GRIK2: variants seen among roughly 807,000 people sequenced by gnomAD.
The protein encoded by GRIK2 is glutamate ionotropic receptor kainate type subunit 2, also known as glutamate receptor ionotropic, kainate 2.
Under a neutral mutation model 100.3 loss-of-function variants are expected in GRIK2, and 32 were observed. The observed-to-expected ratio is 0.32, with a 90% CI of 0.24 to 0.43. The LOEUF (loss-of-function observed/expected upper bound fraction) is 0.43. Among genes scored for constraint, GRIK2 ranks in the 20% least tolerant of loss-of-function variants. The pLI is 1.00. For synonymous variants in GRIK2, 417 were observed against 389.4 expected (o/e 1.07, Z -0.83); for missense variants, 843 against 1,114.9 (o/e 0.76, Z 3.47).
chr6:101,480,990 A>G (rs975003590), intron 2 of GRIK2, among the ~76,000 whole-genome samples: 2 of 152,192 alleles, frequency 1.3e-5, no homozygotes, highest in Admixed American at 6.5e-5. Flanking sequence ...ATTGGCAAAC[A>G]TGAAATTAAA....
intron 2 of GRIK2, among the ~76,000 whole-genome samples, chr6:101,447,455 C>T (rs1770442001): frequency 6.6e-6 from 1 of 151,612 alleles, no homozygotes; most frequent in Non-Finnish European, 1.5e-5. Flanking sequence ...ACAGTTCTCT[C>T]AGGAATTTTG....
intron 2 of GRIK2, among the ~76,000 whole-genome samples, chr6:101,458,727 T>G (rs1771137949): frequency 6.6e-6 from 1 of 152,196 alleles, no homozygotes. Flanking sequence ...GGGGGTACAT[T>G]GGCCAATTCC....
chr6:101,435,708 T>C (rs1288831620), intron 2 of GRIK2, among the ~76,000 whole-genome samples: 1 of 152,182 alleles, frequency 6.6e-6, no homozygotes, highest in Non-Finnish European at 1.5e-5. Context: ...GATCATTGTT[T>C]TGTTCTTTTC....
At chr6:101,501,901 A>G (rs1276747090) in intron 2 of GRIK2, among the ~76,000 whole-genome samples, 1 of 151,902 alleles carries the variant, frequency 6.6e-6, no homozygotes, top group East Asian at 1.9e-4. Context: ...GGGACTACAG[A>G]TGTGTGCCAC....
At chr6:101,950,789 AAC>A (rs1424500480) in intron 14 of GRIK2, among the ~76,000 whole-genome samples, 5 of 152,136 alleles carry the variant, frequency 3.3e-5, no homozygotes, top group African/African-American at 1.2e-4. Flanking sequence ...GGAGCCAGGA[AAC>A]ACATTCCACT....
chr6:102,025,255 C>T (rs1769631265), intron 14 of GRIK2, among the ~76,000 whole-genome samples: 1 of 151,082 alleles, frequency 6.6e-6, no homozygotes, highest in South Asian at 2.1e-4. Flanking sequence ...ATACTAGACA[C>T]TGTTCCAGAT....
At position 101,813,830 on chromosome 6, in the gene GRIK2, G is replaced by T. The variant is rs575168080; in HGVS notation, c.1204-4540G>T. On this transcript the variant is annotated intron_variant, in intron 9 of 16. Transcript: ENST00000369134. ...ATATAAAAATTAGCTGGGCATGGTA[G>T]TGGGTGCCTGTAATCCCAGCTACTT... 2.2e-3 allele frequency among the ~76,000 whole-genome samples: 335 copies of T among 152,160 alleles called. 1 individual carries two copies. Among genetic ancestry groups the T allele is most frequent in the Non-Finnish European group, 2.7e-3 (183 of 68,004 alleles).
intron 12 of GRIK2, among the ~76,000 whole-genome samples, chr6:101,894,345 A>G (rs1787299543): frequency 6.6e-6 from 1 of 151,718 alleles, no homozygotes; most frequent in African/African-American, 2.4e-5. Context: ...GTAAGCAGTT[A>G]TATTATTATT....
At chr6:101,480,440 C>G (rs992664410) in intron 2 of GRIK2, among the ~76,000 whole-genome samples, 6 of 151,942 alleles carry the variant, frequency 3.9e-5, no homozygotes, top group Admixed American at 3.9e-4. Context: ...CTATCTTTCT[C>G]TTTTGTCAGG....
intron 1 of GRIK2, among the ~76,000 whole-genome samples, chr6:101,398,304 G>A (rs1159061517): frequency 1.3e-5 from 2 of 151,986 alleles, no homozygotes; most frequent in African/African-American, 4.8e-5. Flanking sequence ...TTAAAAAATG[G>A]GTGGAAAATT....
intron 10 of GRIK2, among the ~76,000 whole-genome samples, chr6:101,829,652 A>G (rs1242589480): frequency 6.6e-6 from 1 of 151,988 alleles, no homozygotes; most frequent in Non-Finnish European, 1.5e-5. Flanking sequence ...CAATAGCCAT[A>G]AAAATATAAA....
At chr6:101,950,929 A>G (rs1791569799) in intron 14 of GRIK2, among the ~76,000 whole-genome samples, 1 of 152,174 alleles carries the variant, frequency 6.6e-6, no homozygotes, top group South Asian at 2.1e-4. Context: ...ACATGGTAGT[A>G]GCATTTGACT....
intron 7 of GRIK2, among the ~76,000 whole-genome samples, chr6:101,787,370 T>C (rs905535688): frequency 2.6e-5 from 4 of 152,124 alleles, no homozygotes; most frequent in African/African-American, 7.2e-5. Context: ...GTTCTTACTT[T>C]TCTAGTTCTT....
intron 2 of GRIK2, among the ~76,000 whole-genome samples, chr6:101,405,798 G>A (rs1210030778): frequency 2.6e-5 from 4 of 152,082 alleles, no homozygotes; most frequent in African/African-American, 9.6e-5. Flanking sequence ...CACTCCACCT[G>A]TTTCTTGCCA....
rs114267317 is a variant in GRIK2 at position 102,035,246 on chromosome 6, A to G, written c.2086-95A>G. The G allele has an allele frequency of 1.7e-3, 904 of 524,690 alleles. 8 individuals are homozygous for G. Among genetic ancestry groups the G allele is most frequent in the African/African-American group, 0.016 (841 of 52,028 alleles). 32.5% of individuals were successfully genotyped at this position (524,690 alleles called of 1,614,324 possible). A position where few individuals can be genotyped will look rare whatever the true frequency, so the allele number is the denominator to read the frequency against. On this transcript the variant is annotated intron_variant, in intron 14 of 16. Coordinates refer to ENST00000369134, the MANE Select transcript of GRIK2 (RefSeq NM_021956.5). ...AAAATTATATTAAGATGGTACAAGT[A>G]AAGTAAATGTAGTTCATTGTGTCTA... is the stretch of plus-strand genomic sequence containing the variant.
chr6:101,776,461 C>T (rs1397666375), intron 7 of GRIK2, among the ~76,000 whole-genome samples: 1 of 152,038 alleles, frequency 6.6e-6, no homozygotes, highest in African/African-American at 2.4e-5. Flanking sequence ...GGTATAAAAT[C>T]AGAGTAAAAT....
At chr6:101,680,494 TC>T (rs887959059) in intron 5 of GRIK2, among the ~76,000 whole-genome samples, 2 of 152,186 alleles carry the variant, frequency 1.3e-5, no homozygotes, top group African/African-American at 4.8e-5. Context: ...TGTCCTAGTT[TC>T]CTTACCCATA....
At chr6:101,775,015 C>T (rs6924758) in intron 7 of GRIK2, among the ~76,000 whole-genome samples, 11,739 of 152,004 alleles carry the variant, frequency 0.077, 822 homozygotes, top group African/African-American at 0.18. Context: ...TAAAATCTTA[C>T]AGGGAAATAA....
chr6:101,575,983 C>G (rs1227337604), intron 2 of GRIK2, among the ~76,000 whole-genome samples: 1 of 151,906 alleles, frequency 6.6e-6, no homozygotes, highest in South Asian at 2.1e-4. Flanking sequence ...AATTGTCAGA[C>G]AGCTAAACAA....
Sources: gnomAD v4.1 joint callset for allele counts (sites outside exome capture counted in the v4.1 genomes callset) on GRCh38, gnomAD v4.1.1 for gene constraint, MANE v1.5 for transcripts, NCBI Gene and HGNC (gene_info 2026-07-23, HGNC 2026-07-21) for gene names.